Variants in ARHGEF38 observed in about 807,000 individuals in gnomAD.
The protein encoded by ARHGEF38 is Rho guanine nucleotide exchange factor 38, also known as Rho guanine nucleotide exchange factor (GEF) 38.
A neutral mutation model predicts 79.9 loss-of-function variants in ARHGEF38; 79 were observed. The observed-to-expected ratio is 0.99, with a 90% CI of 0.82 to 1.19. The LOEUF is 1.19. ARHGEF38 is among the 50% of genes most tolerant of loss of function. The pLI is 0.00. For missense variants in ARHGEF38, 962 were observed against 907.2 expected (o/e 1.06, Z -0.78); for synonymous variants, 366 against 328.3 (o/e 1.11, Z -1.24).
chr4:105,573,652 A>G (rs1337949644), intron 1 of ARHGEF38, among the ~76,000 whole-genome samples: 1 of 152,036 alleles, frequency 6.6e-6, no homozygotes, highest in Non-Finnish European at 1.5e-5. Flanking sequence ...ATCACGAAGC[A>G]TGAGTTCCTC....
chr4:105,597,759 G>A (rs59936741), intron 2 of ARHGEF38, among the ~76,000 whole-genome samples: 20,377 of 152,096 alleles, frequency 0.13, 1,516 homozygotes, highest in Middle Eastern at 0.2. Context: ...TTGTTTTGCA[G>A]GATGTTAGCC....
chr4:105,681,405 A>G (rs1039630004), downstream of ARHGEF38, among the ~76,000 whole-genome samples: 4 of 152,172 alleles, frequency 2.6e-5, no homozygotes, highest in African/African-American at 7.2e-5. Context: ...ACAGTTTGAG[A>G]TTAGAGATTT....
At chr4:105,569,201 C>G (rs1355322539) in intron 1 of ARHGEF38, among the ~76,000 whole-genome samples, 1 of 152,174 alleles carries the variant, frequency 6.6e-6, no homozygotes, top group Admixed American at 6.5e-5. Flanking sequence ...TGCTCAGAAA[C>G]TTATTTGCAT....
chr4:105,646,490 T>C (rs949551325), intron 6 of ARHGEF38, among the ~76,000 whole-genome samples: 1 of 152,212 alleles, frequency 6.6e-6, no homozygotes, highest in Non-Finnish European at 1.5e-5. Context: ...GAAAAAGTAA[T>C]GAATACGCTA....
chr4:105,573,661 T>G (rs1442665496), intron 1 of ARHGEF38, among the ~76,000 whole-genome samples: 1 of 152,136 alleles, frequency 6.6e-6, no homozygotes, highest in Non-Finnish European at 1.5e-5. Flanking sequence ...CATGAGTTCC[T>G]CCAGCTTTAT....
At chr4:105,621,538 A>G (rs1273108955) in intron 3 of ARHGEF38, among the ~76,000 whole-genome samples, 1 of 152,144 alleles carries the variant, frequency 6.6e-6, no homozygotes, top group African/African-American at 2.4e-5. Flanking sequence ...TTGAAGGTGT[A>G]GTAGGTGATG....
intron 2 of ARHGEF38, among the ~76,000 whole-genome samples, chr4:105,611,662 A>G (rs534797452): frequency 2.0e-5 from 3 of 152,012 alleles, no homozygotes; most frequent in East Asian, 1.9e-4. Context: ...AAAATCTTGA[A>G]CCTCTCTAGA....
chr4:105,644,506 A>G (rs577972924), intron 5 of ARHGEF38, among the ~76,000 whole-genome samples: 27 of 152,366 alleles, frequency 1.8e-4, no homozygotes, highest in African/African-American at 6.5e-4. Flanking sequence ...TCGTCTCAGA[A>G]GCTGCTAAAG....
chr4:105,565,401 GTGAAACGTATGT>G (rs1725837976), intron 1 of ARHGEF38, among the ~76,000 whole-genome samples: 2 of 152,146 alleles, frequency 1.3e-5, no homozygotes, highest in South Asian at 4.1e-4. Flanking sequence ...ATTTTACTGT[GTGAAACGTATGT>G]TGGTAGGGCT....
intron 1 of ARHGEF38, among the ~76,000 whole-genome samples, chr4:105,557,046 C>T (rs1424533929): frequency 6.6e-6 from 1 of 152,112 alleles, no homozygotes; most frequent in Non-Finnish European, 1.5e-5. Context: ...TCCTCATTTC[C>T]ATTCTACTGG....
At chr4:105,627,230 T>G (rs1276412719) in intron 3 of ARHGEF38, among the ~76,000 whole-genome samples, 2 of 152,126 alleles carry the variant, frequency 1.3e-5, no homozygotes. Context: ...TTCTTCCCTT[T>G]TATGGCATTT....
chr4:105,572,596 TTTCGACTATTCTAAGTA>T lies in ARHGEF38; in HGVS notation c.197-16651_197-16635del, dbSNP rs1480599038. 6.6e-5 allele frequency among the ~76,000 whole-genome samples: 10 copies of T among 152,192 alleles called. No homozygotes were observed. The East Asian group carries it at 1.7e-3, about 26-fold the overall frequency. ...CCATCTCCACTTTCCGTTTCTATGA[TTTCGACTATTCTAAGTA>T]CCTCATACAAGTGGGATCATATGTA... On this transcript the variant is annotated intron_variant, in intron 1 of 13. Transcript: ENST00000420470.
chr4:105,621,179 T>C (rs1728722330), intron 3 of ARHGEF38, among the ~76,000 whole-genome samples: 1 of 152,166 alleles, frequency 6.6e-6, no homozygotes, highest in Non-Finnish European at 1.5e-5. Context: ...GGATGTCAAG[T>C]GTAGCAAAAG....
rs1173889859 is a variant in ARHGEF38, at chr4:105,667,539, T to G, written c.1984T>G (p.Phe662Val). The G allele has an allele frequency of 1.3e-6, 2 of 1,536,658 alleles. No individual in the cohort carries two copies. The highest frequency in any genetic ancestry group is 1.7e-6 in the Non-Finnish European group (2 of 1,147,036). Residue 662 changes from phenylalanine (F) to valine (V), a missense_variant, in exon 13 of 14, where the codon TTT becomes GTT. Coordinates refer to ENST00000420470, the MANE Select transcript of ARHGEF38 (RefSeq NM_001242729.2). ...DAENRFCDDDFENISLFVSSR... is the reference protein window; with the variant it reads ...DAENRFCDDDVENISLFVSSR... The stretch of plus-strand genomic sequence containing the variant: ...TGAGAACAGGTTCTGTGACGATGAT[T>G]TTGAGAACATCAGCCTCTTCGTGTC...
chr4:105,561,419 A>G lies in ARHGEF38; in HGVS notation c.196+8458A>G, dbSNP rs6851415. Among the ~76,000 whole-genome samples the G allele has an allele frequency of 8.0e-3, 368 of 45,962 alleles. 20 individuals are homozygous for G. Among genetic ancestry groups the G allele is most frequent in the African/African-American group, 0.014 (145 of 10,238 alleles). 30.2% of individuals were successfully genotyped at this position (45,962 alleles called of 152,430 possible). On this transcript the variant is annotated intron_variant, in intron 1 of 13. Transcript: ENST00000420470. ...GTAGAATAATAGAATAGAATAGAATAGAATGGAATAGAATAGAATAGAATA... is the reference window on the plus strand; with the variant it reads ...GTAGAATAATAGAATAGAATAGAATGGAATGGAATAGAATAGAATAGAATA...
In ARHGEF38 at chr4:105,678,145, C is replaced by A; in HGVS notation, c.*208C>A. 1 of 394,296 alleles carries A rather than the reference C, an allele frequency of 2.5e-6. No homozygotes were observed. Among genetic ancestry groups the A allele is most frequent in the Non-Finnish European group, 4.4e-6 (1 of 226,332 alleles). The allele number at this position is 394,296 out of a possible 1,614,324, so 24.4% of individuals were successfully genotyped here. The stretch of plus-strand genomic sequence containing the variant: ...ATACATGTTGAAAGAAATACTAAGC[C>A]AACAGAAATAGCAAAGCAAATGACC... On this transcript the variant is annotated 3_prime_UTR_variant, in exon 14 of 14. Transcript: ENST00000420470.
rs1029893157 is a variant in ARHGEF38, at chr4:105,645,277, G to A, written c.764G>A (p.Arg255Gln). The stretch of plus-strand genomic sequence containing the variant: ...TACCCCCTATTACTGTGCGAACTTC[G>A]GAATTCCACCCCTCCCTCTCACCCA... ...MKYPLLLCEL[R>Q]NSTPPSHPDY... is the part of the protein sequence containing the mutation. The change falls in exon 6 of 14, where the codon CGG becomes CAG. Residue 255 changes from arginine to glutamine, a missense_variant. Arg to Gln is a conservative substitution (Grantham distance 43). Transcript: ENST00000420470. 73 of 1,536,526 alleles carry A rather than the reference G, an allele frequency of 4.8e-5. No homozygotes were observed. The highest frequency in any genetic ancestry group is 1.7e-4 in the Middle Eastern group (1 of 5,994).
Position 105,648,687 on chromosome 4 carries a change from T to G in ARHGEF38, c.1008+5T>G. On this transcript the variant is annotated splice_donor_5th_base_variant and intron_variant, in intron 7 of 13. Transcript: ENST00000420470. Reference sequence around the variant, plus strand: ...CTGACCAGAGGAGAATCACAGGTAATTTTTCTTCTTGGACCACCCACCTTT... The same window carrying G: ...CTGACCAGAGGAGAATCACAGGTAAGTTTTCTTCTTGGACCACCCACCTTT... 6.6e-7 allele frequency: 1 copy of G among 1,504,472 alleles called. No individual in the cohort carries two copies. Among genetic ancestry groups the G allele is most frequent in the South Asian group, 1.3e-5 (1 of 78,556 alleles). The allele number at this position is 1,504,472 out of a possible 1,614,324, so 93.2% of individuals were successfully genotyped here.
intron 3 of ARHGEF38, among the ~76,000 whole-genome samples, chr4:105,623,090 T>A (rs759474825): frequency 6.6e-6 from 1 of 152,194 alleles, no homozygotes; most frequent in Non-Finnish European, 1.5e-5. Flanking sequence ...CAGGAAAATA[T>A]CAAACACTGG....
Sources: gnomAD v4.1 joint callset for allele counts (sites outside exome capture counted in the v4.1 genomes callset) on GRCh38, gnomAD v4.1.1 for gene constraint, MANE v1.5 for transcripts, NCBI Gene and HGNC (gene_info 2026-07-23, HGNC 2026-07-21) for gene names.